Variants in PSMA1 observed in about 807,000 individuals in gnomAD.
The protein encoded by PSMA1 is proteasome 20S subunit alpha 1, also known as proteasome subunit alpha type-1.
In PSMA1, 3 loss-of-function variants were observed where a neutral mutation model predicts 38.4. The observed-to-expected ratio is 0.08, with a 90% CI of 0.04 to 0.20. The LOEUF (loss-of-function observed/expected upper bound fraction) is 0.20. Among genes scored for constraint, PSMA1 ranks in the 10% least tolerant of loss-of-function variants. PSMA1 has a pLI of 1.00. For missense variants in PSMA1, 227 were observed against 325.3 expected (o/e 0.70, Z 2.32); for synonymous variants, 101 against 107.1 (o/e 0.94, Z 0.35).
chr11:14,520,645 C>T (rs936824828), upstream of PSMA1: 5 of 472,930 alleles, frequency 1.1e-5, no homozygotes, highest in East Asian at 4.5e-5. Context: ...CTCCCGCTGG[C>T]GGGCTGCATC....
intron 2 of PSMA1, among the ~76,000 whole-genome samples, chr11:14,547,906 C>T (rs1357186437): frequency 6.6e-6 from 1 of 152,010 alleles, no homozygotes; most frequent in Non-Finnish European, 1.5e-5. Context: ...TAACTTGAAC[C>T]TGCAAATGGG....
chr11:14,600,195 G>A (rs1852562727), intron 2 of PSMA1, among the ~76,000 whole-genome samples: 1 of 152,152 alleles, frequency 6.6e-6, no homozygotes, highest in Admixed American at 6.5e-5. Flanking sequence ...TAGGTTACAC[G>A]GAGGTTAGGG....
chr11:14,640,422 A>C (rs1853184703), intron 1 of PSMA1, among the ~76,000 whole-genome samples: 1 of 152,242 alleles, frequency 6.6e-6, no homozygotes. Context: ...GTGCTATTTA[A>C]TAGTCTATGT....
At chr11:14,525,916 T>C (rs1449804169) in intron 2 of PSMA1, among the ~76,000 whole-genome samples, 2 of 152,208 alleles carry the variant, frequency 1.3e-5, no homozygotes, top group African/African-American at 2.4e-5. Flanking sequence ...ATTCAATATA[T>C]TGATGACCTT....
intron 2 of PSMA1, among the ~76,000 whole-genome samples, chr11:14,587,059 C>A (rs1215727131): frequency 6.6e-6 from 1 of 152,182 alleles, no homozygotes; most frequent in Non-Finnish European, 1.5e-5. Context: ...CTTTGCCATT[C>A]ATCATAGCCC....
At chr11:14,643,222 C>T (rs148458563) in intron 1 of PSMA1, among the ~76,000 whole-genome samples, 414 of 151,950 alleles carry the variant, frequency 2.7e-3, no homozygotes, top group Non-Finnish European at 3.7e-3. Context: ...GAGGCTAGAT[C>T]TAGCCACAGC....
intron 2 of PSMA1, among the ~76,000 whole-genome samples, chr11:14,574,578 C>A (rs1852189870): frequency 6.6e-6 from 1 of 152,094 alleles, no homozygotes; most frequent in African/African-American, 2.4e-5. Flanking sequence ...GTGGGAGAGA[C>A]CCAGTGGGAG....
rs1049270688 is a variant in PSMA1 at position 14,534,751 on chromosome 11, A to G, written c.22-15710T>C. ...TAACATGTATATACATCGTGTGTACATATGCATATTTAAAAAAATTAAAAA... is the reference window on the plus strand; with the variant it reads ...TAACATGTATATACATCGTGTGTACGTATGCATATTTAAAAAAATTAAAAA... On this transcript the variant is annotated intron_variant, in intron 2 of 10. Transcript: ENST00000418988. This position sits in a 1 kb window ranked among gnomAD's most constrained non-coding sequence, Gnocchi z 4.5. 6.7e-6 allele frequency among the ~76,000 whole-genome samples: 1 copy of G among 149,188 alleles called. No homozygotes were observed. The highest frequency in any genetic ancestry group is 1.5e-5 in the Non-Finnish European group (1 of 67,104).
intron 2 of PSMA1, among the ~76,000 whole-genome samples, chr11:14,595,458 G>A (rs1459595191): frequency 6.6e-6 from 1 of 152,214 alleles, no homozygotes; most frequent in Non-Finnish European, 1.5e-5. Context: ...ACTAGCATGA[G>A]ATGGTATCTC....
chr11:14,516,532 A>G (rs995973034), intron 4 of PSMA1, among the ~76,000 whole-genome samples: 1 of 152,236 alleles, frequency 6.6e-6, no homozygotes. Flanking sequence ...TCACAAATTT[A>G]CAAGATTAGT....
At chr11:14,617,790 G>A (rs1256399387) in intron 1 of PSMA1, among the ~76,000 whole-genome samples, 1 of 151,794 alleles carries the variant, frequency 6.6e-6, no homozygotes, top group African/African-American at 2.4e-5. Context: ...GTGACTCATG[G>A]CTTTACTGAA....
chr11:14,523,052 T>C (rs1301642941), upstream of PSMA1, among the ~76,000 whole-genome samples: 1 of 152,224 alleles, frequency 6.6e-6, no homozygotes, highest in Non-Finnish European at 1.5e-5. Context: ...AGCAAATATC[T>C]GGGGCTTTGC....
At chr11:14,630,931 A>T (rs1159464485) in intron 1 of PSMA1, among the ~76,000 whole-genome samples, 1 of 152,146 alleles carries the variant, frequency 6.6e-6, no homozygotes, top group Non-Finnish European at 1.5e-5. Context: ...CATTTCTTCT[A>T]GATTTTCTAG....
At chr11:14,573,376 A>G (rs995683181) in intron 2 of PSMA1, among the ~76,000 whole-genome samples, 1 of 152,188 alleles carries the variant, frequency 6.6e-6, no homozygotes, top group Non-Finnish European at 1.5e-5. Flanking sequence ...ATCAATAAAC[A>G]TAATCCAGCA....
intron 2 of PSMA1, among the ~76,000 whole-genome samples, chr11:14,544,856 T>C (rs1851808898): frequency 6.6e-6 from 1 of 152,206 alleles, no homozygotes; most frequent in African/African-American, 2.4e-5. Context: ...TGAAAACATA[T>C]ATCCACCCAA....
Position 14,534,968 on chromosome 11 carries a change from G to C in PSMA1, c.22-15927C>G, listed in dbSNP as rs1389095690. Among the ~76,000 whole-genome samples, 1 of 152,126 alleles carries C rather than the reference G, an allele frequency of 6.6e-6. No individual in the cohort carries two copies. The highest frequency in any genetic ancestry group is 1.5e-5 in the Non-Finnish European group (1 of 68,028). On this transcript the variant is annotated intron_variant, in intron 2 of 10. Coordinates refer to the PSMA1 transcript ENST00000418988. The surrounding 1 kb of genome is among the most constrained non-coding windows in gnomAD (Gnocchi z 4.5). ...AGACGCCTGTAATCCCAGCTACTCG[G>C]GAGGCTGAGGCAGGAGAATTGCTTG...
intron 2 of PSMA1, among the ~76,000 whole-genome samples, chr11:14,554,354 A>G (rs1399740399): frequency 6.6e-6 from 1 of 152,206 alleles, no homozygotes. Flanking sequence ...CTTAAGGATC[A>G]TTTCTGGGTA....
chr11:14,504,931 C>G lies in PSMA1; in HGVS notation c.*261G>C. ...GTTGTCTTTAAAACCACAAAGACAC[C>G]TATGTTCTTCATATAAAAACATTAG... On this transcript the variant is annotated 3_prime_UTR_variant, in exon 10 of 10. Transcript: ENST00000396394. 2 of 375,496 alleles carry G rather than the reference C, an allele frequency of 5.3e-6. No individual in the cohort carries two copies. Among genetic ancestry groups the G allele is most frequent in the Non-Finnish European group, 9.6e-6 (2 of 207,688 alleles). 23.3% of individuals were successfully genotyped at this position (375,496 alleles called of 1,614,324 possible). A position where few individuals can be genotyped will look rare whatever the true frequency, so the allele number is the denominator to read the frequency against.
chr11:14,613,625 G>C (rs1852735169), intron 1 of PSMA1, among the ~76,000 whole-genome samples: 1 of 152,058 alleles, frequency 6.6e-6, no homozygotes, highest in South Asian at 2.1e-4. Flanking sequence ...CAGATAATCA[G>C]AACTATATTT....
Sources: allele counts gnomAD v4.1 joint callset (sites outside exome capture counted in the v4.1 genomes callset), GRCh38; gene constraint gnomAD v4.1.1; non-coding constraint Gnocchi (gnomAD v3.1); transcripts MANE v1.5; gene names NCBI Gene and HGNC (gene_info 2026-07-23, HGNC 2026-07-21).